Variants in CNP observed in about 807,000 individuals in gnomAD.
CNP encodes the protein 2',3'-cyclic nucleotide 3' phosphodiesterase.
A neutral mutation model predicts 37.9 loss-of-function variants in CNP; 8 were observed. That is an observed-to-expected ratio of 0.21 (90% CI 0.12 to 0.38). The LOEUF (loss-of-function observed/expected upper bound fraction) is 0.38, where lower values mean the gene tolerates loss of function less well. CNP is among the 10% of genes least tolerant of loss of function. The pLI is 1.00. For synonymous variants in CNP, 237 were observed against 238.3 expected (o/e 0.99, Z 0.05); for missense variants, 457 against 551.0 (o/e 0.83, Z 1.71).
rs781876675 is a variant in CNP at position 41,972,005 on chromosome 17, G to A, written c.790G>A (p.Gly264Arg). 6.2e-6 allele frequency: 10 copies of A among 1,613,742 alleles called. No individual in the cohort carries two copies. The highest frequency in any genetic ancestry group is 1.3e-5 in the African/African-American group (1 of 74,848). The part of the protein sequence containing the change: ...TKFCDYGKAP[G>R]AEEYAQQDVL... ...GTTTTGTGACTACGGGAAGGCTCCCGGGGCAGAGGAGTACGCTCAACAAGA... is the reference window on the plus strand; with the variant it reads ...GTTTTGTGACTACGGGAAGGCTCCCAGGGCAGAGGAGTACGCTCAACAAGA... Residue 264 changes from glycine (G) to arginine (R), a missense_variant, in exon 3 of 4, where the codon GGG (glycine) becomes AGG (arginine). Physicochemically the swap from Gly to Arg is moderately radical, Grantham distance 125. Transcript: ENST00000393892.
Position 41,973,940 on chromosome 17 carries a change from C to A in CNP, c.*16C>A. ...CATCATATGAGTGTTCTCACCACCA[C>A]TTATGCCCCTAGAAGGGAAGGGGAG... is the stretch of plus-strand genomic sequence containing the variant. On this transcript the variant is annotated 3_prime_UTR_variant, in exon 4 of 4. Transcript: ENST00000393892. 1 of 1,488,470 alleles carries A rather than the reference C, an allele frequency of 6.7e-7. No homozygotes were observed. 92.2% of individuals were successfully genotyped at this position (1,488,470 alleles called of 1,614,324 possible). A position where few individuals can be genotyped will look rare whatever the true frequency, so the allele number is the denominator to read the frequency against.
intron 3 of CNP, among the ~76,000 whole-genome samples, chr17:41,972,319 G>T (rs1273477771): frequency 6.6e-6 from 1 of 152,002 alleles, no homozygotes; most frequent in Non-Finnish European, 1.5e-5. Context: ...GTCCACAGTG[G>T]GCTCCTGCTC....
chr17:41,972,175 C>A, intron 3 of CNP, 144 bp downstream of exon 3: 1 of 998,216 alleles, frequency 1.0e-6, no homozygotes, highest in Non-Finnish European at 1.5e-6. Flanking sequence ...CTCCTCCTAG[C>A]TCCCCTGTCC....
At chr17:41,972,135 C>G in intron 3 of CNP, 104 bp downstream of exon 3, 1 of 1,389,666 alleles carries the variant, frequency 7.2e-7, no homozygotes, top group East Asian at 2.5e-5. Context: ...GACCAAAAAC[C>G]AGATGGCAGC....
intron 2 of CNP, chr17:41,970,873 G>A (rs748836334): frequency 1.3e-5 from 2 of 152,138 alleles, no homozygotes; most frequent in Admixed American, 1.3e-4. Context: ...TGTGGAGTCT[G>A]GAAATCAAAA....
Position 41,976,845 on chromosome 17 carries a change from A to G in CNP, c.*2921A>G. 2 of 1,563,104 alleles carry G rather than the reference A, an allele frequency of 1.3e-6. No individual in the cohort carries two copies. Among genetic ancestry groups the G allele is most frequent in the African/African-American group, 1.4e-5 (1 of 72,280 alleles). ...GATCACTTTGCTCTGATTATGGAAA[A>G]GTCTTCAAGGGCTGCTTCAAACTCA... On this transcript the variant is annotated 3_prime_UTR_variant, in exon 4 of 4. Transcript: ENST00000393892.
chr17:41,971,843 G>A, intron 2 of CNP, 49 bp from the exon 3 acceptor site: 13 of 1,606,332 alleles, frequency 8.1e-6, no homozygotes, highest in Non-Finnish European at 1.1e-5. Flanking sequence ...GGCGGATGTT[G>A]GTATGCCCCT....
intron 2 of CNP, 130 bp from the exon 3 acceptor site, chr17:41,971,762 G>C: frequency 8.3e-7 from 1 of 1,205,172 alleles, no homozygotes; most frequent in East Asian, 2.4e-5. Flanking sequence ...CAATGAATGA[G>C]CTGTAGTGGG....
intron 2 of CNP, 188 bp from the exon 3 acceptor site, chr17:41,971,704 T>C (rs1598104159): frequency 1.5e-6 from 1 of 678,524 alleles, no homozygotes; most frequent in African/African-American, 1.8e-5. Context: ...GGCCTGAGAA[T>C]TTTAACTTTT....
chr17:41,971,789 G>T, intron 2 of CNP, 103 bp from the exon 3 acceptor site: 1 of 1,474,062 alleles, frequency 6.8e-7, no homozygotes. Flanking sequence ...GAGAGGTGAT[G>T]CTTAGTGTCC....
At chr17:41,973,270 G>A (rs558677421) in intron 3 of CNP, among the ~76,000 whole-genome samples, 2 of 152,324 alleles carry the variant, frequency 1.3e-5, no homozygotes, top group East Asian at 3.9e-4. Context: ...GAGCGCCTTC[G>A]TGTTTCTCAC....
chr17:41,973,356 G>C, intron 3 of CNP, 119 bp from the exon 4 acceptor site: 1 of 951,390 alleles, frequency 1.1e-6, no homozygotes, highest in Non-Finnish European at 1.6e-6. Context: ...CCCCTGCTCA[G>C]CTGTGCTCAC....
chr17:41,976,984 A>C lies in CNP; in HGVS notation c.*3060A>C, dbSNP rs1598109832. On this transcript the variant is annotated 3_prime_UTR_variant, in exon 4 of 4. Coordinates refer to ENST00000393892, the MANE Select transcript of CNP (RefSeq NM_033133.5). The stretch of plus-strand genomic sequence containing the variant: ...CTTCTGACCTCAGCATTATCTATAT[A>C]GTACCTTTGCTCTTGCAGAGAAGCC... The C allele has an allele frequency of 1.5e-6, 1 of 652,906 alleles. No individual in the cohort carries two copies. Among genetic ancestry groups the C allele is most frequent in the East Asian group, 2.7e-5 (1 of 36,696 alleles). The allele number at this position is 652,906 out of a possible 1,614,324, so 40.4% of individuals were successfully genotyped here.
Position 41,976,828 on chromosome 17 carries a change from T to A in CNP, c.*2904T>A. 6.3e-7 allele frequency: 1 copy of A among 1,589,380 alleles called. No individual in the cohort carries two copies. The highest frequency in any genetic ancestry group is 2.2e-5 in the East Asian group (1 of 44,730). On this transcript the variant is annotated 3_prime_UTR_variant, in exon 4 of 4. Coordinates refer to ENST00000393892, the MANE Select transcript of CNP (RefSeq NM_033133.5). Reference sequence around the variant, plus strand: ...ATGGATTTTCTAAGGAAGATCACTTTGCTCTGATTATGGAAAAGTCTTCAA... The same window carrying A: ...ATGGATTTTCTAAGGAAGATCACTTAGCTCTGATTATGGAAAAGTCTTCAA...
Position 41,976,026 on chromosome 17 carries a change from G to C in CNP, c.*2102G>C, listed in dbSNP as rs973365450. ...GGTCAGGAGGCAGGGTTTTATCTCT[G>C]TCTACCATCTCCCTCGAACCCACAC... On this transcript the variant is annotated 3_prime_UTR_variant, in exon 4 of 4. Coordinates refer to ENST00000393892, the MANE Select transcript of CNP (RefSeq NM_033133.5). The C allele has an allele frequency of 3.9e-5, 6 of 152,330 alleles. No homozygotes were observed. Among genetic ancestry groups the C allele is most frequent in the Admixed American group, 3.9e-4 (6 of 15,280 alleles). The allele number at this position is 152,330 out of a possible 1,614,324, so 9.4% of individuals were successfully genotyped here.
At chr17:41,969,354 A>G (rs1344746575) in intron 2 of CNP, among the ~76,000 whole-genome samples, 2 of 152,120 alleles carry the variant, frequency 1.3e-5, no homozygotes, top group African/African-American at 4.8e-5. Flanking sequence ...ACATGGACCC[A>G]GGAGGGATGT....
chr17:41,974,003 C>G lies in CNP; in HGVS notation c.*79C>G. 1.3e-6 allele frequency: 1 copy of G among 769,820 alleles called. No individual in the cohort carries two copies. The highest frequency in any genetic ancestry group is 3.7e-5 in the South Asian group (1 of 26,698). 47.7% of individuals were successfully genotyped at this position (769,820 alleles called of 1,614,324 possible). ...CCTCTGTTTGATCCTTGTTTTGTGA[C>G]ATTTTTTTTTTTTTTTTTTTTACTC... On this transcript the variant is annotated 3_prime_UTR_variant, in exon 4 of 4. Coordinates refer to ENST00000393892, the MANE Select transcript of CNP (RefSeq NM_033133.5).
intron 2 of CNP, among the ~76,000 whole-genome samples, chr17:41,969,836 G>A (rs1052785459): frequency 2.6e-4 from 40 of 152,170 alleles, no homozygotes; most frequent in Admixed American, 1.6e-3. Flanking sequence ...GATTACAGGC[G>A]TGAGCCACCA....
chr17:41,968,568 G>C lies in CNP; in HGVS notation c.504G>C (p.Gln168His), dbSNP rs781989129. ...AGCTCAAGGAGAAGAACCAGTGGCAGCTGTCGGCTGATGACCTGAAGAAGC... is the reference window on the plus strand; with the variant it reads ...AGCTCAAGGAGAAGAACCAGTGGCACCTGTCGGCTGATGACCTGAAGAAGC... ...CAQLKEKNQW[Q>H]LSADDLKKLK... The change falls in exon 2 of 4, where the codon CAG becomes CAC. Residue 168 changes from glutamine (Q) to histidine (H), a missense_variant. Coordinates refer to ENST00000393892, the MANE Select transcript of CNP (RefSeq NM_033133.5). The surrounding 1 kb of genome is among the most constrained non-coding windows in gnomAD (Gnocchi z 4.8). 1 of 1,614,078 alleles carries C rather than the reference G, an allele frequency of 6.2e-7. No individual in the cohort carries two copies. The highest frequency in any genetic ancestry group is 1.7e-5 in the Admixed American group (1 of 60,010).
Sources: allele counts gnomAD v4.1 joint callset (sites outside exome capture counted in the v4.1 genomes callset), GRCh38; gene constraint gnomAD v4.1.1; non-coding constraint Gnocchi (gnomAD v3.1); transcripts MANE v1.5; gene names NCBI Gene and HGNC (gene_info 2026-07-23, HGNC 2026-07-21).